Variants in HCRTR2 observed in about 807,000 individuals in gnomAD.
The protein encoded by HCRTR2 is hypocretin receptor 2, also known as orexin receptor type 2.
Under a neutral mutation model 49.0 loss-of-function variants are expected in HCRTR2, and 22 were observed. That is an observed-to-expected ratio of 0.45 (90% confidence interval 0.32 to 0.64). HCRTR2 has a LOEUF of 0.64. Among genes scored for constraint, HCRTR2 ranks in the 30% least tolerant of loss-of-function variants. The probability of loss-of-function intolerance (pLI) is 0.04; values close to 1 mark genes in which losing one functional copy is unlikely to be tolerated. For missense variants in HCRTR2, 491 were observed against 559.4 expected, an observed-to-expected ratio of 0.88 and a Z score of 1.23; for synonymous variants, 236 against 205.3, an observed-to-expected ratio of 1.15 and a Z score of -1.28.
chr6:55,243,222 T>C (rs1766368531), intron 1 of HCRTR2, among the ~76,000 whole-genome samples: 1 of 152,228 alleles, frequency 6.6e-6, no homozygotes, highest in South Asian at 2.1e-4. Context: ...TCACTGAATC[T>C]GCATTCTTGC....
At chr6:55,147,381 A>T (rs562985892) in intron 1 of HCRTR2, among the ~76,000 whole-genome samples, 55 of 152,308 alleles carry the variant, frequency 3.6e-4, no homozygotes, top group Non-Finnish European at 5.7e-4. Flanking sequence ...AGAATACTAT[A>T]AATTTGCACA....
At chr6:55,258,926 C>T (rs1766703317) in intron 3 of HCRTR2, among the ~76,000 whole-genome samples, 1 of 152,066 alleles carries the variant, frequency 6.6e-6, no homozygotes, top group Admixed American at 6.6e-5. Flanking sequence ...TGGTGGGCGC[C>T]TGTAATTCCA....
At chr6:55,212,528 C>G (rs141396983) in intron 1 of HCRTR2, among the ~76,000 whole-genome samples, 1 of 152,118 alleles carries the variant, frequency 6.6e-6, no homozygotes, top group Non-Finnish European at 1.5e-5. Context: ...TGCTGTAAAT[C>G]AAAAGCAGAA....
intron 1 of HCRTR2, among the ~76,000 whole-genome samples, chr6:55,149,308 A>G (rs1764633874): frequency 6.6e-6 from 1 of 152,138 alleles, no homozygotes; most frequent in African/African-American, 2.4e-5. Flanking sequence ...TATGTTTCAT[A>G]TTTGTACCAC....
chr6:55,250,123 T>C (rs145273242), intron 2 of HCRTR2, among the ~76,000 whole-genome samples: 132 of 152,098 alleles, frequency 8.7e-4, no homozygotes, highest in African/African-American at 3.0e-3. Context: ...GAATAGTAAG[T>C]GGAAAATACT....
chr6:55,141,484 T>C (rs1764506796), intron 1 of HCRTR2, among the ~76,000 whole-genome samples: 1 of 152,234 alleles, frequency 6.6e-6, no homozygotes, highest in Admixed American at 6.5e-5. Context: ...ATATAAATTC[T>C]ATTTTAATTA....
intron 1 of HCRTR2, among the ~76,000 whole-genome samples, chr6:55,161,939 T>C (rs973213504): frequency 1.3e-5 from 2 of 152,140 alleles, no homozygotes; most frequent in African/African-American, 4.8e-5. Context: ...TCTGAAACTA[T>C]TCCAAACAAC....
chr6:55,231,268 CA>C (rs749164155), intron 1 of HCRTR2, among the ~76,000 whole-genome samples: 24 of 151,994 alleles, frequency 1.6e-4, no homozygotes, highest in Non-Finnish European at 3.2e-4. Context: ...AATGTTTGAC[CA>C]GAAAAAATTT....
intron 1 of HCRTR2, among the ~76,000 whole-genome samples, chr6:55,243,104 T>C (rs1766366527): frequency 1.3e-5 from 2 of 152,082 alleles, no homozygotes; most frequent in Non-Finnish European, 2.9e-5. Flanking sequence ...GTAAGACAAA[T>C]GACAGTCTGA....
chr6:55,164,277 T>C (rs965321607), intron 1 of HCRTR2, among the ~76,000 whole-genome samples: 4 of 152,310 alleles, frequency 2.6e-5, no homozygotes, highest in African/African-American at 9.6e-5. Context: ...TTACTGGGCA[T>C]ATACCCAAAG....
intron 1 of HCRTR2, among the ~76,000 whole-genome samples, chr6:55,135,116 G>A (rs1255850141): frequency 6.6e-6 from 1 of 151,990 alleles, no homozygotes; most frequent in Non-Finnish European, 1.5e-5. Context: ...TAATGAAATG[G>A]CAACAGAAAG....
chr6:55,137,478 G>A (rs1764448671), intron 1 of HCRTR2, among the ~76,000 whole-genome samples: 2 of 152,020 alleles, frequency 1.3e-5, no homozygotes, highest in African/African-American at 4.8e-5. Flanking sequence ...ATTTTTTCCT[G>A]AGAGCAAGAC....
Position 55,190,579 on chromosome 6 carries a change from C to G in HCRTR2, c.223+15769C>G, listed in dbSNP as rs527935250. On this transcript the variant is annotated intron_variant, in intron 1 of 6. Transcript: ENST00000370862. The stretch of plus-strand genomic sequence containing the variant: ...TTATAACCAATATTATCTTTTGTGT[C>G]TGTACCTTTTTATACATTCCCCATA... 2.6e-5 allele frequency among the ~76,000 whole-genome samples: 4 copies of G among 152,270 alleles called. No individual in the cohort carries two copies. The South Asian group carries it at 6.2e-4, about 24-fold the overall frequency.
chr6:55,181,822 T>A (rs1765139147), intron 1 of HCRTR2, among the ~76,000 whole-genome samples: 1 of 152,236 alleles, frequency 6.6e-6, no homozygotes, highest in Non-Finnish European at 1.5e-5. Flanking sequence ...CTTTGATATG[T>A]GATTGTGTCA....
At chr6:55,141,104 G>GC (rs1561984529) in intron 1 of HCRTR2, among the ~76,000 whole-genome samples, 1 of 151,832 alleles carries the variant, frequency 6.6e-6, no homozygotes, top group Non-Finnish European at 1.5e-5. Flanking sequence ...GGAGGCCGAT[G>GC]TGGGTGGATC....
intron 1 of HCRTR2, among the ~76,000 whole-genome samples, chr6:55,197,595 C>T (rs1022304272): frequency 1.3e-5 from 2 of 152,118 alleles, no homozygotes; most frequent in Admixed American, 6.6e-5. Flanking sequence ...CAGGCTGCTA[C>T]TTACCATAAC....
intron 4 of HCRTR2, among the ~76,000 whole-genome samples, chr6:55,275,837 C>T (rs1441224033): frequency 6.6e-6 from 1 of 151,978 alleles, no homozygotes; most frequent in Non-Finnish European, 1.5e-5. Context: ...CATGAACTCC[C>T]AACCTCAGGT....
At chr6:55,256,604 A>G (rs1191883238) in intron 3 of HCRTR2, among the ~76,000 whole-genome samples, 4 of 152,010 alleles carry the variant, frequency 2.6e-5, no homozygotes, top group Non-Finnish European at 5.9e-5. Context: ...ATTGGGATTT[A>G]CTTTTCCTTT....
At chr6:55,280,510 C>T (rs1044425907) in intron 6 of HCRTR2, 66 bp downstream of exon 6, 62 of 1,600,004 alleles carry the variant, frequency 3.9e-5, no homozygotes, top group Non-Finnish European at 4.9e-5. Flanking sequence ...AATGAACACT[C>T]TTCAACTATA....
Sources: gnomAD v4.1 joint callset for allele counts (sites outside exome capture counted in the v4.1 genomes callset) on GRCh38, gnomAD v4.1.1 for gene constraint, MANE v1.5 for transcripts, NCBI Gene and HGNC (gene_info 2026-07-23, HGNC 2026-07-21) for gene names.